CTNNA2: variants seen among roughly 807,000 people sequenced by gnomAD.
CTNNA2 encodes the protein catenin alpha 2.
In CTNNA2, 42 loss-of-function variants were observed where a neutral mutation model predicts 101.0. The observed-to-expected ratio is 0.42, with a 90% CI of 0.32 to 0.54. The LOEUF is 0.54. Among genes scored for constraint, CTNNA2 ranks in the 20% least tolerant of loss-of-function variants. The probability of loss-of-function intolerance (pLI) is 0.14; values close to 1 mark genes in which losing one functional copy is unlikely to be tolerated. For missense variants in CTNNA2, 871 were observed against 1,223.1 expected (o/e 0.71, Z 4.29); for synonymous variants, 450 against 456.4 (o/e 0.99, Z 0.18).
At chr2:80,419,314 C>T (rs780972183) in intron 8 of CTNNA2, 135 bp from the exon 9 acceptor site, 18 of 649,832 alleles carry the variant, frequency 2.8e-5, no homozygotes, top group Admixed American at 2.4e-4. Context: ...AATGTAAGCA[C>T]TGGGAAAATT....
chr2:79,201,445 CT>C (rs1471053082), intron 2 of CTNNA2, among the ~76,000 whole-genome samples: 3 of 63,858 alleles, frequency 4.7e-5, no homozygotes, highest in African/African-American at 2.2e-4. Context: ...TCAAATTCAC[CT>C]TCCTTCCCTG....
chr2:79,698,516 T>G (rs1684788447), intron 2 of CTNNA2, among the ~76,000 whole-genome samples: 2 of 152,138 alleles, frequency 1.3e-5, no homozygotes, highest in Non-Finnish European at 2.9e-5. Flanking sequence ...AAAATGATTA[T>G]ACGTGCAATA....
intron 2 of CTNNA2, among the ~76,000 whole-genome samples, chr2:79,679,585 CTG>C (rs1392306018): frequency 1.3e-5 from 2 of 152,144 alleles, no homozygotes; most frequent in Admixed American, 6.5e-5. Context: ...TTTCCCATCT[CTG>C]TGGTCCTGGC....
At chr2:79,804,125 T>A (rs939420392) in intron 3 of CTNNA2, among the ~76,000 whole-genome samples, 1 of 152,222 alleles carries the variant, frequency 6.6e-6, no homozygotes, top group Non-Finnish European at 1.5e-5. Context: ...GTTAAAATTG[T>A]AATCTCAATA....
intron 6 of CTNNA2, among the ~76,000 whole-genome samples, chr2:79,893,148 G>A (rs1684424667): frequency 6.6e-6 from 1 of 152,080 alleles, no homozygotes; most frequent in African/African-American, 2.4e-5. Flanking sequence ...AGTTGATTGT[G>A]CCAGACTGTT....
chr2:80,443,618 C>T (rs1682799987), intron 9 of CTNNA2, among the ~76,000 whole-genome samples: 1 of 152,120 alleles, frequency 6.6e-6, no homozygotes, highest in Non-Finnish European at 1.5e-5. Flanking sequence ...ATTGGGCTCT[C>T]AGAGCTATAA....
intron 7 of CTNNA2, among the ~76,000 whole-genome samples, chr2:80,355,930 G>C (rs1012132957): frequency 1.4e-5 from 2 of 147,998 alleles, no homozygotes; most frequent in Non-Finnish European, 3.0e-5. Flanking sequence ...CAGTCACATT[G>C]TTCTTTTTTT....
intron 7 of CTNNA2, among the ~76,000 whole-genome samples, chr2:80,371,167 A>T (rs899304742): frequency 1.2e-4 from 19 of 152,132 alleles, no homozygotes; most frequent in African/African-American, 4.3e-4. Context: ...GGTGAGAGTG[A>T]CCTTTCTGCT....
At chr2:79,737,433 A>G (rs1307358662) in intron 2 of CTNNA2, among the ~76,000 whole-genome samples, 1 of 152,106 alleles carries the variant, frequency 6.6e-6, no homozygotes, top group African/African-American at 2.4e-5. Context: ...CTGCAAGTGA[A>G]GTTTATTATC....
intron 7 of CTNNA2, among the ~76,000 whole-genome samples, chr2:80,153,730 TCAA>T (rs2148932345): frequency 6.6e-6 from 1 of 152,226 alleles, no homozygotes; most frequent in South Asian, 2.1e-4. Flanking sequence ...ACAACAATAT[TCAA>T]CAACAACAAA....
intron 7 of CTNNA2, among the ~76,000 whole-genome samples, chr2:80,276,136 A>G (rs1358825555): frequency 1.3e-5 from 2 of 152,200 alleles, no homozygotes; most frequent in Non-Finnish European, 2.9e-5. Context: ...CGGATATTCA[A>G]TAAGTGATTG....
intron 7 of CTNNA2, among the ~76,000 whole-genome samples, chr2:80,047,761 T>C (rs12995773): frequency 0.21 from 32,624 of 152,052 alleles, 3,976 homozygotes; most frequent in Non-Finnish European, 0.27. Context: ...TGACTAGAAT[T>C]GGGGAAAATT....
At chr2:80,631,267 G>A (rs1294592440) in intron 18 of CTNNA2, among the ~76,000 whole-genome samples, 1 of 151,180 alleles carries the variant, frequency 6.6e-6, no homozygotes. Flanking sequence ...TTGGTTAAAA[G>A]TTGTCATCTT....
intron 8 of CTNNA2, among the ~76,000 whole-genome samples, chr2:80,415,215 G>A (rs1483165896): frequency 6.6e-6 from 1 of 152,152 alleles, no homozygotes; most frequent in Non-Finnish European, 1.5e-5. Context: ...TTAATTGGGA[G>A]GCAGGGAATG....
At chr2:79,252,814 A>G (rs1674790296) in intron 2 of CTNNA2, among the ~76,000 whole-genome samples, 1 of 121,372 alleles carries the variant, frequency 8.2e-6, no homozygotes, top group African/African-American at 2.7e-5. Context: ...CTTATTATCA[A>G]CTGTTTTTTT....
At chr2:80,026,696 C>G (rs896401282) in intron 7 of CTNNA2, among the ~76,000 whole-genome samples, 3 of 152,030 alleles carry the variant, frequency 2.0e-5, no homozygotes, top group Non-Finnish European at 4.4e-5. Context: ...TGGAAAGGAC[C>G]TTGTTTGTCA....
intron 4 of CTNNA2, among the ~76,000 whole-genome samples, chr2:79,486,148 T>C (rs893360736): frequency 1.1e-4 from 17 of 152,168 alleles, no homozygotes; most frequent in Non-Finnish European, 2.1e-4. Context: ...TATGTATACA[T>C]GTGCCATGTT....
At chr2:79,549,271 G>T (rs1413608197) in intron 1 of CTNNA2, among the ~76,000 whole-genome samples, 1 of 152,122 alleles carries the variant, frequency 6.6e-6, no homozygotes, top group African/African-American at 2.4e-5. Context: ...TTTATTATTA[G>T]TTCCCATGGT....
chr2:80,358,588 G>T (rs1401533743), intron 7 of CTNNA2, among the ~76,000 whole-genome samples: 1 of 151,912 alleles, frequency 6.6e-6, no homozygotes, highest in African/African-American at 2.4e-5. Context: ...TGACCCCTCA[G>T]GTTATCTACC....
Sources: allele counts gnomAD v4.1 joint callset (sites outside exome capture counted in the v4.1 genomes callset), GRCh38; gene constraint gnomAD v4.1.1; transcripts MANE v1.5; gene names NCBI Gene and HGNC (gene_info 2026-07-23, HGNC 2026-07-21).